The following SCAMP2 variants were observed in gnomAD, a reference collection of about 807,000 sequenced individuals.
SCAMP2 encodes the protein secretory carrier membrane protein 2.
A neutral mutation model predicts 44.1 loss-of-function variants in SCAMP2; 25 were observed. That is an observed-to-expected ratio of 0.57 (90% confidence interval 0.41 to 0.79). SCAMP2 has a LOEUF of 0.79. Ranked by LOEUF, SCAMP2 falls within the 30% of genes least tolerant of loss-of-function variation. The probability of loss-of-function intolerance (pLI) is 0.00; values close to 1 mark genes in which losing one functional copy is unlikely to be tolerated. For synonymous variants in SCAMP2, 156 were observed against 166.0 expected (o/e 0.94, Z 0.46); for missense variants, 355 against 411.0 (o/e 0.86, Z 1.18).
chr15:74,850,164 A>C (rs987418322), intron 6 of SCAMP2, among the ~76,000 whole-genome samples: 2 of 152,202 alleles, frequency 1.3e-5, no homozygotes, highest in African/African-American at 2.4e-5. Flanking sequence ...ATACTACCAG[A>C]GAAGCACACC....
At chr15:74,866,045 G>GAAAA (rs1567255470) in intron 1 of SCAMP2, among the ~76,000 whole-genome samples, 2 of 139,852 alleles carry the variant, frequency 1.4e-5, no homozygotes, top group African/African-American at 5.5e-5. Context: ...GGGGAGGGGA[G>GAAAA]GAAAAGAAAA....
At chr15:74,851,971 G>A in intron 4 of SCAMP2, 98 bp downstream of exon 4, 1 of 751,508 alleles carries the variant, frequency 1.3e-6, no homozygotes, top group Non-Finnish European at 2.1e-6. Context: ...AAAACTCTAA[G>A]GCAGCTCAGG....
At chr15:74,864,195 AG>A (rs2064527080) in intron 1 of SCAMP2, among the ~76,000 whole-genome samples, 1 of 152,002 alleles carries the variant, frequency 6.6e-6, no homozygotes, top group South Asian at 2.1e-4. Context: ...CTGAGTAGCT[AG>A]GATTACAGGT....
chr15:74,845,233 G>A lies in SCAMP2; in HGVS notation c.856-16C>T, dbSNP rs562411151. The A allele has an allele frequency of 6.2e-7, 1 of 1,610,260 alleles. No individual in the cohort carries two copies. Among genetic ancestry groups the A allele is most frequent in the African/African-American group, 1.3e-5 (1 of 75,000 alleles). ...GGGAGTGCACCTGGCGAAGAGGGGT[G>A]GGGTGAGAGAAGCCTGTCCTTTGGG... On this transcript the variant is annotated splice_polypyrimidine_tract_variant and intron_variant, in intron 8 of 8. Coordinates refer to ENST00000268099, the MANE Select transcript of SCAMP2 (RefSeq NM_005697.5).
Position 74,845,498 on chromosome 15 carries a change from A to G in SCAMP2, c.830T>C (p.Val277Ala), listed in dbSNP as rs762307284. The change falls in exon 8 of 9, where the codon GTG becomes GCG. Residue 277 changes from valine (V) to alanine (A), a missense_variant. Physicochemically the swap from Val to Ala is moderately conservative, Grantham distance 64. Coordinates refer to ENST00000268099, the MANE Select transcript of SCAMP2 (RefSeq NM_005697.5). ...CCGCTGCAGGAGGAAGACTGAGAGC[A>G]CGGCACAGAGGGTGAAGAAGCCAGC... The part of the protein sequence containing the change: ...VVAGFFTLCA[V>A]LSVFLLQRVH... 1 of 1,614,174 alleles carries G rather than the reference A, an allele frequency of 6.2e-7. No homozygotes were observed. The highest frequency in any genetic ancestry group is 1.7e-5 in the Admixed American group (1 of 60,026).
At chr15:74,868,448 C>G (rs1476382169) in intron 1 of SCAMP2, among the ~76,000 whole-genome samples, 1 of 152,214 alleles carries the variant, frequency 6.6e-6, no homozygotes, top group Non-Finnish European at 1.5e-5. Flanking sequence ...GTCGAATAAC[C>G]TTGAGAAATG....
At chr15:74,871,208 C>T (rs2064572640) in intron 1 of SCAMP2, among the ~76,000 whole-genome samples, 3 of 152,256 alleles carry the variant, frequency 2.0e-5, no homozygotes, top group Admixed American at 6.5e-5. Context: ...AATCATAGCA[C>T]TTTGAGAGGC....
chr15:74,868,228 C>T (rs1027166032), intron 1 of SCAMP2, among the ~76,000 whole-genome samples: 8 of 152,208 alleles, frequency 5.3e-5, no homozygotes, highest in African/African-American at 1.2e-4. Flanking sequence ...ACACTCATAT[C>T]TTAACTTCCC....
intron 1 of SCAMP2, among the ~76,000 whole-genome samples, chr15:74,868,096 G>A (rs1007847979): frequency 6.6e-6 from 1 of 152,216 alleles, no homozygotes; most frequent in African/African-American, 2.4e-5. Context: ...ATACTCAGAG[G>A]GTACAAAGCA....
chr15:74,847,591 A>G (rs1481874808), intron 7 of SCAMP2, among the ~76,000 whole-genome samples: 1 of 152,086 alleles, frequency 6.6e-6, no homozygotes, highest in African/African-American at 2.4e-5. Context: ...AGGGGAGGCA[A>G]CCTTTCTCTC....
Position 74,852,170 on chromosome 15 carries a change from G to A in SCAMP2, c.242C>T (p.Ala81Val). Reference sequence around the variant, plus strand: ...CTGCTGCCGGAGCAGGCCTGCCTGGGCTGCAGACACCACGGCCTGGAGAGA... The same window carrying A: ...CTGCTGCCGGAGCAGGCCTGCCTGGACTGCAGACACCACGGCCTGGAGAGA... ...QPTPQAVVSAAQAGLLRQQEE... is the reference protein window; with the variant it reads ...QPTPQAVVSAVQAGLLRQQEE... The change falls in exon 4 of 9, where the codon GCC becomes GTC. Residue 81 changes from alanine (A) to valine (V), a missense_variant. Ala to Val is a moderately conservative substitution (Grantham distance 64). Transcript: ENST00000268099. The A allele has an allele frequency of 6.4e-7, 1 of 1,552,052 alleles. No individual in the cohort carries two copies. Among genetic ancestry groups the A allele is most frequent in the African/African-American group, 1.4e-5 (1 of 71,876 alleles).
At chr15:74,860,579 T>C (rs1030078523) in intron 1 of SCAMP2, among the ~76,000 whole-genome samples, 9 of 151,566 alleles carry the variant, frequency 5.9e-5, no homozygotes, top group African/African-American at 1.7e-4. Flanking sequence ...TCCCAGCTAC[T>C]TGGAAGGCTG....
rs2064359421 is a variant in SCAMP2, at chr15:74,843,968, A to C, written c.*1115T>G. 6.6e-6 allele frequency: 1 copy of C among 152,034 alleles called. No homozygotes were observed. The highest frequency in any genetic ancestry group is 1.5e-5 in the Non-Finnish European group (1 of 67,988). 9.4% of individuals were successfully genotyped at this position (152,034 alleles called of 1,614,324 possible). ...CCTCGAGGGACAGGGTGCTGGTTTT[A>C]AGGGTGGACTCCTACGTGTCCCATC... On this transcript the variant is annotated 3_prime_UTR_variant, in exon 9 of 9. Coordinates refer to ENST00000268099, the MANE Select transcript of SCAMP2 (RefSeq NM_005697.5).
chr15:74,846,916 G>A (rs549947575), intron 7 of SCAMP2, among the ~76,000 whole-genome samples: 2 of 152,150 alleles, frequency 1.3e-5, no homozygotes, highest in South Asian at 4.2e-4. Flanking sequence ...TGAGCCCCAT[G>A]TCCTCATCTG....
chr15:74,857,773 A>G (rs1337626153), intron 1 of SCAMP2, among the ~76,000 whole-genome samples: 1 of 152,152 alleles, frequency 6.6e-6, no homozygotes, highest in African/African-American at 2.4e-5. Flanking sequence ...CTCCTCATAA[A>G]CAAATCTGAT....
At chr15:74,868,973 T>C (rs970525216) in intron 1 of SCAMP2, among the ~76,000 whole-genome samples, 11 of 152,088 alleles carry the variant, frequency 7.2e-5, no homozygotes, top group Non-Finnish European at 1.5e-4. Context: ...CTGGCCAACA[T>C]GGTAAAACCC....
At chr15:74,853,252 A>C in intron 3 of SCAMP2, 1 of 361,242 alleles carries the variant, frequency 2.8e-6, no homozygotes, top group Non-Finnish European at 5.6e-6. Flanking sequence ...CTGCACAGAA[A>C]GGCAACTCCG....
chr15:74,867,656 T>C (rs1416955863), intron 1 of SCAMP2, among the ~76,000 whole-genome samples: 1 of 152,256 alleles, frequency 6.6e-6, no homozygotes, highest in Non-Finnish European at 1.5e-5. Flanking sequence ...GAAATTCAAG[T>C]AACTTTGTTC....
chr15:74,848,792 C>A, intron 6 of SCAMP2, 91 bp from the exon 7 acceptor site: 2 of 897,350 alleles, frequency 2.2e-6, no homozygotes, highest in South Asian at 1.6e-5. Flanking sequence ...TCACTAGGAG[C>A]CAGGAGGCAG....
Sources: gnomAD v4.1 joint callset for allele counts (sites outside exome capture counted in the v4.1 genomes callset) on GRCh38, gnomAD v4.1.1 for gene constraint, MANE v1.5 for transcripts, NCBI Gene and HGNC (gene_info 2026-07-23, HGNC 2026-07-21) for gene names.